The following MDGA2 variants were observed in gnomAD, a reference collection of about 807,000 sequenced individuals.
MDGA2 encodes the protein MAM domain containing glycosylphosphatidylinositol anchor 2, also known as MAM domain-containing glycosylphosphatidylinositol anchor protein 2.
Under a neutral mutation model 117.8 loss-of-function variants are expected in MDGA2, and 40 were observed. The observed-to-expected ratio is 0.34, with a 90% CI of 0.26 to 0.44. MDGA2 has a LOEUF of 0.44. Ranked by LOEUF, MDGA2 falls within the 20% of genes least tolerant of loss-of-function variation. The pLI is 1.00. For missense variants in MDGA2, 1,123 were observed against 1,250.6 expected (o/e 0.90, Z 1.54); for synonymous variants, 452 against 439.0 (o/e 1.03, Z -0.37).
chr14:47,260,798 T>A (rs1177980468), intron 2 of MDGA2, among the ~76,000 whole-genome samples: 1 of 152,050 alleles, frequency 6.6e-6, no homozygotes, highest in Non-Finnish European at 1.5e-5. Context: ...AACCTACATT[T>A]TCAGGATACC....
chr14:47,408,876 A>G (rs1244941777), intron 1 of MDGA2, among the ~76,000 whole-genome samples: 1 of 152,154 alleles, frequency 6.6e-6, no homozygotes, highest in Non-Finnish European at 1.5e-5. Context: ...CAAGAAGGTA[A>G]TATTTGAGAA....
intron 1 of MDGA2, among the ~76,000 whole-genome samples, chr14:47,487,879 CT>C (rs1245340953): frequency 6.6e-6 from 1 of 151,948 alleles, no homozygotes; most frequent in Non-Finnish European, 1.5e-5. Context: ...ATTTATGTGG[CT>C]TTTTGGGAAA....
At chr14:47,158,366 GTGT>G (rs752588692) in intron 3 of MDGA2, among the ~76,000 whole-genome samples, 5 of 50,234 alleles carry the variant, frequency 1.0e-4, no homozygotes, top group Admixed American at 3.7e-4. Context: ...TGGGGTGGGT[GTGT>G]GTGTGTGTGT....
intron 1 of MDGA2, among the ~76,000 whole-genome samples, chr14:47,441,487 T>C (rs1225415905): frequency 1.3e-5 from 2 of 152,184 alleles, no homozygotes; most frequent in Non-Finnish European, 2.9e-5. Context: ...TTTTTAAACA[T>C]TCTGAAGGAC....
intron 7 of MDGA2, among the ~76,000 whole-genome samples, chr14:47,056,484 G>A (rs1055191601): frequency 5.3e-5 from 8 of 152,052 alleles, no homozygotes; most frequent in African/African-American, 1.9e-4. Flanking sequence ...AAATGTCCAT[G>A]TACTCTAACA....
intron 1 of MDGA2, among the ~76,000 whole-genome samples, chr14:47,512,080 A>G (rs1462904456): frequency 1.3e-5 from 2 of 152,154 alleles, no homozygotes; most frequent in African/African-American, 2.4e-5. Flanking sequence ...GGCATGTGCT[A>G]CTGTCTCATG....
chr14:47,630,100 A>G (rs1897227933), intron 1 of MDGA2, among the ~76,000 whole-genome samples: 1 of 152,148 alleles, frequency 6.6e-6, no homozygotes, highest in Admixed American at 6.5e-5. Context: ...AAAAGGATGT[A>G]TACCATTTTT....
chr14:47,456,512 AG>A (rs1893357886), intron 1 of MDGA2, among the ~76,000 whole-genome samples: 1 of 151,144 alleles, frequency 6.6e-6, no homozygotes, highest in African/African-American at 2.4e-5. Flanking sequence ...CATGCTGGTC[AG>A]GCTGGTATCG....
intron 15 of MDGA2, 141 bp downstream of exon 15, chr14:46,854,883 A>G (rs1318166307): frequency 2.9e-6 from 2 of 693,234 alleles, no homozygotes; most frequent in African/African-American, 3.7e-5. Context: ...TTTTAGAACT[A>G]AAGCAAAACC....
chr14:47,499,413 C>G (rs1461585270), intron 1 of MDGA2, among the ~76,000 whole-genome samples: 1 of 152,062 alleles, frequency 6.6e-6, no homozygotes, highest in Non-Finnish European at 1.5e-5. Flanking sequence ...AGTTCTTTCT[C>G]CCCCCATTGA....
intron 1 of MDGA2, among the ~76,000 whole-genome samples, chr14:47,526,202 T>C (rs1325275447): frequency 6.6e-6 from 1 of 152,190 alleles, no homozygotes; most frequent in Non-Finnish European, 1.5e-5. Flanking sequence ...ATCTAAATAA[T>C]CTATTAAATA....
intron 11 of MDGA2, among the ~76,000 whole-genome samples, chr14:46,881,302 C>T (rs1179144831): frequency 2.0e-5 from 3 of 152,014 alleles, no homozygotes; most frequent in African/African-American, 2.4e-5. Flanking sequence ...ACAACATTCT[C>T]GAAAAGGAGA....
chr14:47,496,644 T>C (rs115768255), intron 1 of MDGA2, among the ~76,000 whole-genome samples: 1,660 of 151,982 alleles, frequency 0.011, 28 homozygotes, highest in African/African-American at 0.038. Flanking sequence ...AGATATCTGA[T>C]TGGTGTTGGA....
At chr14:47,280,806 T>C (rs1888462253) in intron 2 of MDGA2, among the ~76,000 whole-genome samples, 1 of 151,808 alleles carries the variant, frequency 6.6e-6, no homozygotes, top group African/African-American at 2.4e-5. Flanking sequence ...CTCTCACCTT[T>C]AAATAATTTA....
intron 8 of MDGA2, among the ~76,000 whole-genome samples, chr14:47,010,888 TTAAA>T (rs1887874747): frequency 6.6e-6 from 1 of 152,054 alleles, no homozygotes; most frequent in African/African-American, 2.4e-5. Flanking sequence ...CTCATTATAA[TTAAA>T]TAAATATAAG....
At chr14:47,539,156 C>G (rs1318101998) in intron 1 of MDGA2, among the ~76,000 whole-genome samples, 1 of 152,140 alleles carries the variant, frequency 6.6e-6, no homozygotes, top group African/African-American at 2.4e-5. Context: ...AGCAGAGCAG[C>G]AGGAGACCAA....
intron 1 of MDGA2, among the ~76,000 whole-genome samples, chr14:47,596,797 T>C (rs1343296215): frequency 6.6e-6 from 1 of 152,200 alleles, no homozygotes; most frequent in African/African-American, 2.4e-5. Context: ...TATTTTGTTA[T>C]TCCCCTTTGT....
intron 1 of MDGA2, among the ~76,000 whole-genome samples, chr14:47,426,292 AT>A (rs993568294): frequency 6.6e-6 from 1 of 151,830 alleles, no homozygotes; most frequent in Admixed American, 6.6e-5. Context: ...TCTAATGGTG[AT>A]TTTTTTTACT....
chr14:47,419,397 G>C (rs767754822), intron 1 of MDGA2, among the ~76,000 whole-genome samples: 1 of 151,982 alleles, frequency 6.6e-6, no homozygotes, highest in African/African-American at 2.4e-5. Flanking sequence ...AGAAGTCATA[G>C]GCCATGACCC....
Sources: allele counts gnomAD v4.1 joint callset (sites outside exome capture counted in the v4.1 genomes callset), GRCh38; gene constraint gnomAD v4.1.1; transcripts MANE v1.5; gene names NCBI Gene and HGNC (gene_info 2026-07-23, HGNC 2026-07-21).